Variants in SH3GL2 observed in about 807,000 individuals in gnomAD.
The protein encoded by SH3GL2 is endophilin-A1.
SH3GL2 carries 24 observed loss-of-function variants against 46.0 expected under a neutral mutation model. That is an observed-to-expected ratio of 0.52 (90% CI 0.38 to 0.73). The LOEUF (loss-of-function observed/expected upper bound fraction) is 0.73. SH3GL2 is among the 30% of genes least tolerant of loss of function. The pLI is 0.00. For synonymous variants in SH3GL2, 196 were observed against 147.1 expected, an observed-to-expected ratio of 1.33 and a Z score of -2.40; for missense variants, 413 against 424.2, an observed-to-expected ratio of 0.97 and a Z score of 0.23.
intron 1 of SH3GL2, among the ~76,000 whole-genome samples, chr9:17,625,999 C>T (rs74370166): frequency 0.016 from 2,491 of 152,296 alleles, 75 homozygotes; most frequent in African/African-American, 0.057. Context: ...TTTTCTTCTC[C>T]TTGTCCTTTA....
At chr9:17,792,758 T>G (rs1487242156) in intron 7 of SH3GL2, among the ~76,000 whole-genome samples, 3 of 152,168 alleles carry the variant, frequency 2.0e-5, no homozygotes, top group Non-Finnish European at 2.9e-5. Flanking sequence ...TATGGAGAGA[T>G]AGACTCCTTC....
chr9:17,715,771 A>G (rs1227595109), intron 1 of SH3GL2, among the ~76,000 whole-genome samples: 4 of 152,042 alleles, frequency 2.6e-5, no homozygotes, highest in South Asian at 2.1e-4. Flanking sequence ...TTGATAATGC[A>G]TTTCATACAC....
At chr9:17,792,198 T>TTG (rs1824150577) in intron 7 of SH3GL2, among the ~76,000 whole-genome samples, 1 of 152,192 alleles carries the variant, frequency 6.6e-6, no homozygotes, top group Non-Finnish European at 1.5e-5. Context: ...CTCAGGCTGA[T>TTG]CTCATTTCAG....
At chr9:17,777,841 A>C (rs1026788201) in intron 3 of SH3GL2, among the ~76,000 whole-genome samples, 1 of 152,054 alleles carries the variant, frequency 6.6e-6, no homozygotes, top group South Asian at 2.1e-4. Flanking sequence ...TCAGCATATG[A>C]ATTTGGGGAG....
chr9:17,791,409 A>G (rs1252866175), intron 7 of SH3GL2, 75 bp downstream of exon 7: 1 of 1,075,274 alleles, frequency 9.3e-7, no homozygotes, highest in South Asian at 1.3e-5. Flanking sequence ...TGGAAATCAT[A>G]GAATACATTT....
chr9:17,758,876 C>A (rs1823087319), intron 2 of SH3GL2, among the ~76,000 whole-genome samples: 2 of 152,100 alleles, frequency 1.3e-5, no homozygotes. Context: ...TTTCTTTAGA[C>A]AAGTCACAAG....
intron 3 of SH3GL2, among the ~76,000 whole-genome samples, chr9:17,767,877 A>G (rs559009459): frequency 6.6e-4 from 100 of 152,350 alleles, no homozygotes; most frequent in Non-Finnish European, 9.8e-4. Flanking sequence ...GATGGGTGAT[A>G]TAATTCATAT....
intron 5 of SH3GL2, 54 bp from the exon 6 acceptor site, chr9:17,789,338 T>G (rs1438192543): frequency 1.9e-5 from 28 of 1,477,604 alleles, no homozygotes; most frequent in Non-Finnish European, 2.3e-5. Context: ...TGAGCTCAAA[T>G]AAGCCTTTTC....
intron 1 of SH3GL2, among the ~76,000 whole-genome samples, chr9:17,679,177 T>C (rs1289138532): frequency 6.6e-6 from 1 of 152,162 alleles, no homozygotes; most frequent in East Asian, 1.9e-4. Context: ...AGAAAGTCAT[T>C]GGTAGCTTGA....
chr9:17,761,379 A>C (rs1823167634), intron 2 of SH3GL2, 58 bp from the exon 3 acceptor site: 1 of 1,088,238 alleles, frequency 9.2e-7, no homozygotes, highest in South Asian at 1.2e-5. Context: ...TCAACCAAAA[A>C]CCGGTATTCT....
At chr9:17,777,297 A>G (rs1359131982) in intron 3 of SH3GL2, among the ~76,000 whole-genome samples, 1 of 152,178 alleles carries the variant, frequency 6.6e-6, no homozygotes, top group Non-Finnish European at 1.5e-5. Flanking sequence ...ATTTATAAAG[A>G]TAAAAGCTTC....
chr9:17,761,704 T>A (rs1823181035), intron 3 of SH3GL2, among the ~76,000 whole-genome samples, 195 bp downstream of exon 3: 1 of 152,194 alleles, frequency 6.6e-6, no homozygotes, highest in African/African-American at 2.4e-5. Flanking sequence ...TTGAAGTAAC[T>A]GGAAGATCTG....
intron 8 of SH3GL2, 40 bp downstream of exon 8, chr9:17,793,537 G>T: frequency 6.3e-7 from 1 of 1,598,210 alleles, no homozygotes; most frequent in Non-Finnish European, 8.5e-7. Context: ...ATAGCCCTTG[G>T]CATATCCATT....
At chr9:17,700,106 C>T (rs994214083) in intron 1 of SH3GL2, among the ~76,000 whole-genome samples, 1 of 146,620 alleles carries the variant, frequency 6.8e-6, no homozygotes, top group Non-Finnish European at 1.5e-5. Flanking sequence ...TATGGTCATA[C>T]ACATGGCAAC....
intron 1 of SH3GL2, among the ~76,000 whole-genome samples, chr9:17,653,202 A>G (rs1015127002): frequency 1.3e-5 from 2 of 151,908 alleles, no homozygotes; most frequent in Non-Finnish European, 2.9e-5. Context: ...TCTGTCTTCT[A>G]TTTATTATAA....
intron 1 of SH3GL2, among the ~76,000 whole-genome samples, chr9:17,601,393 A>G (rs912828458): frequency 1.3e-5 from 2 of 152,122 alleles, no homozygotes; most frequent in Non-Finnish European, 2.9e-5. Flanking sequence ...AGTGTAATTC[A>G]TGACTCATGT....
chr9:17,638,840 G>C (rs1443456951), intron 1 of SH3GL2, among the ~76,000 whole-genome samples: 3 of 152,192 alleles, frequency 2.0e-5, no homozygotes, highest in Non-Finnish European at 4.4e-5. Flanking sequence ...GACTGGGGGA[G>C]GGGGTGGTGG....
intron 1 of SH3GL2, among the ~76,000 whole-genome samples, chr9:17,659,647 C>T (rs538728377): frequency 7.2e-5 from 11 of 152,086 alleles, no homozygotes; most frequent in Non-Finnish European, 1.0e-4. Flanking sequence ...GTGGTATAAC[C>T]CAGAAATGCG....
chr9:17,794,742 C>T (rs184998241), intron 8 of SH3GL2, among the ~76,000 whole-genome samples: 1 of 152,118 alleles, frequency 6.6e-6, no homozygotes, highest in Non-Finnish European at 1.5e-5. Flanking sequence ...TGATTTCATC[C>T]TTCATTATTT....
Sources: allele counts gnomAD v4.1 joint callset (sites outside exome capture counted in the v4.1 genomes callset), GRCh38; gene constraint gnomAD v4.1.1; transcripts MANE v1.5; gene names NCBI Gene and HGNC (gene_info 2026-07-23, HGNC 2026-07-21).